PCDHGA1: variants seen among roughly 807,000 people sequenced by gnomAD.
PCDHGA1 encodes the protein protocadherin gamma-A1.
PCDHGA1 carries 32 observed loss-of-function variants against 58.0 expected under a neutral mutation model. The observed-to-expected ratio is 0.55, with a 90% CI of 0.42 to 0.74. The LOEUF (loss-of-function observed/expected upper bound fraction) is 0.74. PCDHGA1 is among the 30% of genes least tolerant of loss of function. PCDHGA1 has a pLI of 0.00. For synonymous variants in PCDHGA1, 498 were observed against 501.1 expected (o/e 0.99, Z 0.08); for missense variants, 1,205 against 1,182.3 (o/e 1.02, Z -0.28).
chr5:141,491,802 G>C lies in PCDHGA1; in HGVS notation c.2422-3005G>C, dbSNP rs759587995. 1 of 1,497,480 alleles carries C rather than the reference G, an allele frequency of 6.7e-7. No homozygotes were observed. The highest frequency in any genetic ancestry group is 1.3e-5 in the South Asian group (1 of 74,938). The allele number at this position is 1,497,480 out of a possible 1,614,324, so 92.8% of individuals were successfully genotyped here. A position where few individuals can be genotyped will look rare whatever the true frequency, so the allele number is the denominator to read the frequency against. On this transcript the variant is annotated intron_variant, in intron 1 of 3. Coordinates refer to ENST00000517417, the MANE Select transcript of PCDHGA1 (RefSeq NM_018912.3). The surrounding 1 kb of genome is among the most constrained non-coding windows in gnomAD (Gnocchi z 6.9). ...ACTTGCATCCACTCCTCTCCGGCCG[G>C]CTTGGTCGCTGGCTGCGCTCCACCC...
chr5:141,393,250 C>G, intron 1 of PCDHGA1: 11 of 1,613,824 alleles, frequency 6.8e-6, no homozygotes, highest in South Asian at 1.1e-5. Flanking sequence ...AACGAAATCG[C>G]GGTTCCTGGA....
chr5:141,450,835 T>TA lies in PCDHGA1; in HGVS notation c.2422-43972_2422-43971insA, dbSNP rs1438371595. ...ATTTAATATTATTATTATTATTTTT[T>TA]TTTTTTTGAGATGGGGTCTTGCTCT... is the stretch of plus-strand genomic sequence containing the variant. On this transcript the variant is annotated intron_variant, in intron 1 of 3. Coordinates refer to ENST00000517417, the MANE Select transcript of PCDHGA1 (RefSeq NM_018912.3). 4.0e-3 allele frequency among the ~76,000 whole-genome samples: 570 copies of TA among 142,160 alleles called. 3 individuals are homozygous for TA. The highest frequency in any genetic ancestry group is 0.015 in the Middle Eastern group (4 of 270). The allele number at this position is 142,160 out of a possible 152,430, so 93.3% of individuals were successfully genotyped here.
intron 1 of PCDHGA1, chr5:141,375,178 A>G: frequency 6.2e-7 from 1 of 1,613,980 alleles, no homozygotes; most frequent in Non-Finnish European, 8.5e-7. Context: ...CAGGAACAGT[A>G]ATCGCCCTTT....
chr5:141,452,463 G>A (rs2098741767), intron 1 of PCDHGA1, among the ~76,000 whole-genome samples: 1 of 152,160 alleles, frequency 6.6e-6, no homozygotes, highest in African/African-American at 2.4e-5. Flanking sequence ...AGCAGACGGA[G>A]CTAGGAAAAA....
At position 141,351,177 on chromosome 5, in the gene PCDHGA1, A is replaced by G. The variant is rs775042616; in HGVS notation, c.2421+18072A>G. 15 of 1,613,958 alleles carry G rather than the reference A, an allele frequency of 9.3e-6. 1 individual carries two copies. The highest frequency in any genetic ancestry group is 3.3e-4 in the Middle Eastern group (2 of 6,084). On this transcript the variant is annotated intron_variant, in intron 1 of 3. Transcript: ENST00000517417. ...ACAACCAATGGCACATTGGATTTTGAAGAGACAAGTAGATATGTGTTGAGT... is the reference window on the plus strand; with the variant it reads ...ACAACCAATGGCACATTGGATTTTGGAGAGACAAGTAGATATGTGTTGAGT...
chr5:141,366,696 A>T (rs1337477969), intron 1 of PCDHGA1: 1 of 1,614,244 alleles, frequency 6.2e-7, no homozygotes. Flanking sequence ...GAGAAAAGCG[A>T]GCCTCTTCTG....
At chr5:141,406,177 A>G (rs929841923) in intron 1 of PCDHGA1, among the ~76,000 whole-genome samples, 2 of 151,308 alleles carry the variant, frequency 1.3e-5, no homozygotes. Flanking sequence ...GGCTTATGCA[A>G]TCCTCCCACC....
intron 1 of PCDHGA1, chr5:141,478,285 T>G (rs1468354835): frequency 6.2e-7 from 1 of 1,614,040 alleles, no homozygotes; most frequent in Non-Finnish European, 8.5e-7. Context: ...GGAAGCAGTC[T>G]AGAGACCTAT....
intron 1 of PCDHGA1, chr5:141,351,310 C>T: frequency 1.2e-6 from 2 of 1,613,816 alleles, no homozygotes; most frequent in Non-Finnish European, 1.7e-6. Context: ...CCTTCTCTAA[C>T]CAGATTCCAG....
intron 1 of PCDHGA1, chr5:141,478,786 C>T: frequency 6.8e-7 from 1 of 1,480,998 alleles, no homozygotes; most frequent in Non-Finnish European, 9.0e-7. Context: ...ACCTAATTCA[C>T]ATCCTCAGCA....
At chr5:141,406,729 C>A (rs1051103218) in intron 1 of PCDHGA1, among the ~76,000 whole-genome samples, 1 of 152,200 alleles carries the variant, frequency 6.6e-6, no homozygotes, top group Non-Finnish European at 1.5e-5. Context: ...GTTTCTAAGA[C>A]TGGACACTGT....
At position 141,393,612 on chromosome 5, in the gene PCDHGA1, A is replaced by G. The variant is rs1171689277; in HGVS notation, c.2421+60507A>G. Reference sequence around the variant, plus strand: ...CACGCGGCTGCTTACTGTAACAGCCAGCGACCCGGATGAGGGAATCAACGG... The same window carrying G: ...CACGCGGCTGCTTACTGTAACAGCCGGCGACCCGGATGAGGGAATCAACGG... On this transcript the variant is annotated intron_variant, in intron 1 of 3. Coordinates refer to ENST00000517417, the MANE Select transcript of PCDHGA1 (RefSeq NM_018912.3). 6.2e-7 allele frequency: 1 copy of G among 1,613,840 alleles called. No homozygotes were observed. Among genetic ancestry groups the G allele is most frequent in the Non-Finnish European group, 8.5e-7 (1 of 1,179,908 alleles).
chr5:141,464,394 G>A (rs1277856342), intron 1 of PCDHGA1, among the ~76,000 whole-genome samples: 1 of 150,654 alleles, frequency 6.6e-6, no homozygotes. Context: ...TGCTAATGAA[G>A]AACCTGAGAT....
chr5:141,360,767 T>C (rs535475793), intron 1 of PCDHGA1: 8 of 1,613,940 alleles, frequency 5.0e-6, no homozygotes, highest in Non-Finnish European at 6.8e-6. Flanking sequence ...CATCAATTGG[T>C]CCTCACAGCT....
chr5:141,450,991 AT>A (rs1351194705), intron 1 of PCDHGA1, among the ~76,000 whole-genome samples: 2 of 150,700 alleles, frequency 1.3e-5, no homozygotes, highest in Non-Finnish European at 1.5e-5. Context: ...CACCCGGCTA[AT>A]TTTTTTGTAT....
At chr5:141,369,492 C>T (rs1183800613) in intron 1 of PCDHGA1, among the ~76,000 whole-genome samples, 1 of 151,590 alleles carries the variant, frequency 6.6e-6, no homozygotes, top group Non-Finnish European at 1.5e-5. Context: ...CATAGTGAAA[C>T]CCCACCTCTA....
chr5:141,476,040 G>T lies in PCDHGA1; in HGVS notation c.2422-18767G>T. On this transcript the variant is annotated intron_variant, in intron 1 of 3. Coordinates refer to ENST00000517417, the MANE Select transcript of PCDHGA1 (RefSeq NM_018912.3). This position sits in a 1 kb window ranked among gnomAD's most constrained non-coding sequence, Gnocchi z 7.6. ...CGGACTCGGCGCCCAGCGCCCAAGC[G>T]CTAACCCGCTGAAAGTTTCTCAGCG... is the stretch of plus-strand genomic sequence containing the variant. 1 of 1,488,704 alleles carries T rather than the reference G, an allele frequency of 6.7e-7. No homozygotes were observed. 92.2% of individuals were successfully genotyped at this position (1,488,704 alleles called of 1,614,324 possible).
chr5:141,462,336 T>C (rs2099037439), intron 1 of PCDHGA1, among the ~76,000 whole-genome samples: 1 of 152,238 alleles, frequency 6.6e-6, no homozygotes, highest in African/African-American at 2.4e-5. Flanking sequence ...TTTAATTGTA[T>C]TGTGATCCAA....
intron 1 of PCDHGA1, chr5:141,383,896 G>A: frequency 6.2e-7 from 1 of 1,613,960 alleles, no homozygotes; most frequent in Non-Finnish European, 8.5e-7. Flanking sequence ...AAAGGCAAAA[G>A]TACTGATCAC....
Sources: gnomAD v4.1 joint callset for allele counts (sites outside exome capture counted in the v4.1 genomes callset) on GRCh38, gnomAD v4.1.1 for gene constraint, Gnocchi (gnomAD v3.1) non-coding constraint, MANE v1.5 for transcripts, NCBI Gene and HGNC (gene_info 2026-07-23, HGNC 2026-07-21) for gene names.